OR10A3: variants seen among roughly 807,000 people sequenced by gnomAD.
The protein encoded by OR10A3 is olfactory receptor 10A3.
Under a neutral mutation model 1.5 loss-of-function variants are expected in OR10A3, and 1 was observed. The ratio of observed to expected loss-of-function variants is 0.66; its 90% confidence interval spans 0.23 to 3.11. The LOEUF (loss-of-function observed/expected upper bound fraction) is 3.11, where lower values mean the gene tolerates loss of function less well. Ranked by LOEUF, OR10A3 falls within the 30% of genes most tolerant of loss-of-function variation. The pLI, the probability that OR10A3 is intolerant of heterozygous loss-of-function variation, is 0.21. For missense variants in OR10A3, 398 were observed against 369.7 expected, an observed-to-expected ratio of 1.08 and a Z score of -0.63; for synonymous variants, 145 against 143.7, an observed-to-expected ratio of 1.01 and a Z score of -0.06.
At chr11:7,940,540 C>A (rs1408986946) in intron 1 of OR10A3, among the ~76,000 whole-genome samples, 1 of 152,042 alleles carries the variant, frequency 6.6e-6, no homozygotes, top group Non-Finnish European at 1.5e-5. Context: ...CCCGTTCCTC[C>A]AATCTGTACC....
rs184880947 is a variant in OR10A3 at position 7,939,375 on chromosome 11, A to G, written c.146T>C (p.Ile49Thr). The stretch of plus-strand genomic sequence containing the variant: ...AACGTGGAGGCTCTGGTTTAAGGAG[A>G]TGATGACTGTAATGATGGCATTTCC... The part of the protein sequence containing the change: ...LMGNAIITVI[I>T]SLNQSLHVPM... The change falls in exon 2 of 2, where the codon ATC becomes ACC. Residue 49 changes from isoleucine (I) to threonine (T), a missense_variant. Transcript: ENST00000642047. The G allele has an allele frequency of 4.3e-6, 7 of 1,614,128 alleles. No individual in the cohort carries two copies. The highest frequency in any genetic ancestry group is 1.7e-5 in the Admixed American group (1 of 60,020).
Position 7,939,156 on chromosome 11 carries a change from C to G in OR10A3, c.365G>C (p.Arg122Pro), listed in dbSNP as rs375829095. The G allele has an allele frequency of 1.2e-6, 2 of 1,614,024 alleles. No homozygotes were observed. Among genetic ancestry groups the G allele is most frequent in the Non-Finnish European group, 1.7e-6 (2 of 1,180,030 alleles). The stretch of plus-strand genomic sequence containing the variant: ...CAGAGGATGGCAAATTGCAGCAAAT[C>G]GGTCATAAGCCATCGCTCCCAGGAG... Reference protein sequence around the residue: ...CFLLGAMAYDRFAAICHPLNY... With the variant: ...CFLLGAMAYDPFAAICHPLNY... The change falls in exon 2 of 2, where the codon CGA becomes CCA. Residue 122 changes from arginine to proline, a missense_variant. Transcript: ENST00000642047.
chr11:7,940,941 A>T (rs970388827), intron 1 of OR10A3, among the ~76,000 whole-genome samples: 1 of 152,158 alleles, frequency 6.6e-6, no homozygotes, highest in African/African-American at 2.4e-5. Flanking sequence ...CAGCAAGCTG[A>T]AGACATCTTG....
Position 7,938,692 on chromosome 11 carries a change from C to G in OR10A3, c.829G>C (p.Ala277Pro), listed in dbSNP as rs567629701. 1.9e-6 allele frequency: 3 copies of G among 1,614,140 alleles called. No homozygotes were observed. The East Asian group carries it at 6.7e-5, about 36-fold the overall frequency. ...SPETKKLISL[A>P]YTLLTPLLNP... ...AGCAGAGGGGTAAGCAACGTGTAAG[C>G]CAATGAGATCAGTTTCTTGGTTTCG... is the stretch of plus-strand genomic sequence containing the variant. Residue 277 changes from alanine (A) to proline (P), a missense_variant, in exon 2 of 2, where the codon GCT becomes CCT. Physicochemically the swap from Ala to Pro is conservative, Grantham distance 27. Coordinates refer to ENST00000642047, the MANE Select transcript of OR10A3 (RefSeq NM_001003745.2).
At chr11:7,940,219 A>G (rs1941424411) in intron 1 of OR10A3, among the ~76,000 whole-genome samples, 1 of 152,156 alleles carries the variant, frequency 6.6e-6, no homozygotes, top group Middle Eastern at 3.2e-3. Flanking sequence ...TAGGCAGCAC[A>G]CATGCTGCCT....
chr11:7,939,026 A>G lies in OR10A3; in HGVS notation c.495T>C (p.Ser165=). 6.2e-7 allele frequency: 1 copy of G among 1,614,160 alleles called. No individual in the cohort carries two copies. The highest frequency in any genetic ancestry group is 8.5e-7 in the Non-Finnish European group (1 of 1,180,002). ...VATVQTTWVF[S]FPFCGPNEIN... ...TTTCATTGGGGCCACAAAATGGAAA[A>G]CTAAATACCCAAGTGGTCTGCACAG... The change falls in exon 2 of 2, where the codon AGT becomes AGC. Residue 165 remains serine (S), a synonymous_variant. Transcript: ENST00000642047.
At position 7,941,593 on chromosome 11, in the gene OR10A3, A is replaced by G. The variant is rs1941443902; in HGVS notation, c.-185T>C. The G allele has an allele frequency of 6.6e-6, 1 of 152,216 alleles. No individual in the cohort carries two copies. The highest frequency in any genetic ancestry group is 1.5e-5 in the Non-Finnish European group (1 of 68,026). 9.4% of individuals were successfully genotyped at this position (152,216 alleles called of 1,614,324 possible). A position where few individuals can be genotyped will look rare whatever the true frequency, so the allele number is the denominator to read the frequency against. Reference sequence around the variant, plus strand: ...CAGCAATTGACTTTCTTACCTGAGCATTGAGTTATCACTTGATAAGTATCT... The same window carrying G: ...CAGCAATTGACTTTCTTACCTGAGCGTTGAGTTATCACTTGATAAGTATCT... On this transcript the variant is annotated 5_prime_UTR_variant, in exon 1 of 2. An upstream start codon of the reference 5' UTR is lost. Coordinates refer to ENST00000642047, the MANE Select transcript of OR10A3 (RefSeq NM_001003745.2).
Position 7,939,248 on chromosome 11 carries a change from CAT to C in OR10A3, c.271_272del (p.Met91AspfsTer20). 4 of 1,614,214 alleles carry C rather than the reference CAT, an allele frequency of 2.5e-6. No individual in the cohort carries two copies. The highest frequency in any genetic ancestry group is 1.1e-5 in the South Asian group (1 of 91,088). On this transcript the variant is annotated frameshift_variant, in exon 2 of 2. Coordinates refer to ENST00000642047, the MANE Select transcript of OR10A3 (RefSeq NM_001003745.2). LOFTEE classifies it low-confidence loss of function (END_TRUNC). ...MLVVLSTEKTMISFVGCFAQM... is the reference protein window; with the variant it reads ...MLVVLSTEKTXISFVGCFAQM... ...GTGCAAAACAGCCCACAAAAGAAAT[CAT>C]AGTTTTCTCAGTAGAGAGCACCACC...
chr11:7,938,558 C>T lies in OR10A3; in HGVS notation c.*18G>A. On this transcript the variant is annotated 3_prime_UTR_variant, in exon 2 of 2. Transcript: ENST00000642047. ...TCACTCAGGCAGTGGCCAAATCTTA[C>T]TCAGCTTCTCAACACAATCAGAATG... 1.3e-6 allele frequency: 2 copies of T among 1,570,906 alleles called. No homozygotes were observed. Among genetic ancestry groups the T allele is most frequent in the Non-Finnish European group, 1.7e-6 (2 of 1,157,204 alleles).
intron 1 of OR10A3, among the ~76,000 whole-genome samples, chr11:7,940,778 A>T (rs1349824539): frequency 1.3e-5 from 2 of 152,168 alleles, no homozygotes; most frequent in Admixed American, 1.3e-4. Flanking sequence ...AGCAGAGGAG[A>T]AAAAGCATAA....
In OR10A3 at chr11:7,939,319, C is replaced by T; in HGVS notation, c.202G>A (p.Val68Met). The T allele has an allele frequency of 6.2e-7, 1 of 1,614,052 alleles. No homozygotes were observed. The highest frequency in any genetic ancestry group is 8.5e-7 in the Non-Finnish European group (1 of 1,179,968). The change falls in exon 2 of 2, where the codon GTG becomes ATG. Residue 68 changes from valine to methionine, a missense_variant. Coordinates refer to ENST00000642047, the MANE Select transcript of OR10A3 (RefSeq NM_001003745.2). ...ACTGCACTGAAACTCACCTCCACCA[C>T]AGATAGGTTCAGGAGGAACAGGTAC... Reference protein sequence around the residue: ...PMYLFLLNLSVVEVSFSAVIT... With the variant: ...PMYLFLLNLSMVEVSFSAVIT...
chr11:7,941,094 A>G (rs1302133926), intron 1 of OR10A3, among the ~76,000 whole-genome samples: 2 of 151,770 alleles, frequency 1.3e-5, no homozygotes, highest in Admixed American at 6.5e-5. Flanking sequence ...TAGACTTGGC[A>G]GGAAAAAAAA....
rs1157913744 is a variant in OR10A3 at position 7,937,936 on chromosome 11, C to G, written c.*640G>C. Reference sequence around the variant, plus strand: ...TCCTATCAGCCGCACTGTAGCAAATCTATCACACAGGTATAATGACATCAG... The same window carrying G: ...TCCTATCAGCCGCACTGTAGCAAATGTATCACACAGGTATAATGACATCAG... On this transcript the variant is annotated 3_prime_UTR_variant, in exon 2 of 2. Coordinates refer to ENST00000642047, the MANE Select transcript of OR10A3 (RefSeq NM_001003745.2). The G allele has an allele frequency of 6.6e-6, 1 of 152,236 alleles. No individual in the cohort carries two copies. Among genetic ancestry groups the G allele is most frequent in the Non-Finnish European group, 1.5e-5 (1 of 68,066 alleles). 9.4% of individuals were successfully genotyped at this position (152,236 alleles called of 1,614,324 possible).
chr11:7,938,708 C>G lies in OR10A3; in HGVS notation c.813G>C (p.Lys271Asn), dbSNP rs759633029. ...ACGTGTAAGCCAATGAGATCAGTTTCTTGGTTTCGGGTGAGTAGCCAGATT... is the reference window on the plus strand; with the variant it reads ...ACGTGTAAGCCAATGAGATCAGTTTGTTGGTTTCGGGTGAGTAGCCAGATT... ...QPKSGYSPET[K>N]KLISLAYTLL... is the part of the protein sequence containing the mutation. Residue 271 changes from lysine (K) to asparagine (N), a missense_variant, in exon 2 of 2, where the codon AAG becomes AAC. By Grantham distance (94) the Lys-to-Asn change is moderately conservative. Transcript: ENST00000642047. The G allele has an allele frequency of 8.0e-5, 129 of 1,614,032 alleles. No individual in the cohort carries two copies. Among genetic ancestry groups the G allele is most frequent in the Non-Finnish European group, 1.1e-4 (128 of 1,180,056 alleles).
In OR10A3 at chr11:7,938,700, A is replaced by G. The variant is rs757101961; in HGVS notation, c.821T>C (p.Ile274Thr). ...GGTAAGCAACGTGTAAGCCAATGAG[A>G]TCAGTTTCTTGGTTTCGGGTGAGTA... ...SGYSPETKKL[I>T]SLAYTLLTPL... The change falls in exon 2 of 2, where the codon ATC (isoleucine) becomes ACC (threonine). Residue 274 changes from isoleucine to threonine, a missense_variant. By Grantham distance (89) the Ile-to-Thr change is moderately conservative (BLOSUM62 -1). Transcript: ENST00000642047. 1 of 1,614,180 alleles carries G rather than the reference A, an allele frequency of 6.2e-7. No homozygotes were observed. Among genetic ancestry groups the G allele is most frequent in the Non-Finnish European group, 8.5e-7 (1 of 1,180,030 alleles).
At chr11:7,941,186 A>G (rs1267962802) in intron 1 of OR10A3, among the ~76,000 whole-genome samples, 8 of 152,302 alleles carry the variant, frequency 5.3e-5, no homozygotes, top group African/African-American at 1.9e-4. Context: ...AAAATGAGAA[A>G]ATTTAGAGTA....
chr11:7,938,543 A>T lies in OR10A3; in HGVS notation c.*33T>A. On this transcript the variant is annotated 3_prime_UTR_variant, in exon 2 of 2. Transcript: ENST00000642047. Reference sequence around the variant, plus strand: ...AAATTTAAATAGAGTTCACTCAGGCAGTGGCCAAATCTTACTCAGCTTCTC... The same window carrying T: ...AAATTTAAATAGAGTTCACTCAGGCTGTGGCCAAATCTTACTCAGCTTCTC... The T allele has an allele frequency of 6.7e-7, 1 of 1,501,376 alleles. No individual in the cohort carries two copies. Among genetic ancestry groups the T allele is most frequent in the Non-Finnish European group, 9.1e-7 (1 of 1,102,290 alleles). The allele number at this position is 1,501,376 out of a possible 1,614,324, so 93.0% of individuals were successfully genotyped here.
rs148342026 is a variant in OR10A3 at position 7,937,380 on chromosome 11, G to A, written c.*1196C>T. 8 of 152,276 alleles carry A rather than the reference G, an allele frequency of 5.3e-5. No homozygotes were observed. Among genetic ancestry groups the A allele is most frequent in the African/African-American group, 1.9e-4 (8 of 41,552 alleles). The allele number at this position is 152,276 out of a possible 1,614,324, so 9.4% of individuals were successfully genotyped here. A position where few individuals can be genotyped will look rare whatever the true frequency, so the allele number is the denominator to read the frequency against. On this transcript the variant is annotated 3_prime_UTR_variant, in exon 2 of 2. Transcript: ENST00000642047. ...AAGATAGGTGACCGGATATCTTGTA[G>A]CTATCTATTTAGGAACAAAAGGAAA... is the stretch of plus-strand genomic sequence containing the variant.
chr11:7,938,386 C>A lies in OR10A3; in HGVS notation c.*190G>T. 1.9e-6 allele frequency: 1 copy of A among 535,934 alleles called. No individual in the cohort carries two copies. Among genetic ancestry groups the A allele is most frequent in the Non-Finnish European group, 3.3e-6 (1 of 306,598 alleles). The allele number at this position is 535,934 out of a possible 1,614,324, so 33.2% of individuals were successfully genotyped here. A position where few individuals can be genotyped will look rare whatever the true frequency, so the allele number is the denominator to read the frequency against. ...GAAATGGATGAATAAACTGTTGTGTCATGTTATGAGAACATATGTATCTAC... is the reference window on the plus strand; with the variant it reads ...GAAATGGATGAATAAACTGTTGTGTAATGTTATGAGAACATATGTATCTAC... On this transcript the variant is annotated 3_prime_UTR_variant, in exon 2 of 2. Transcript: ENST00000642047.
Sources: gnomAD v4.1 joint callset for allele counts (sites outside exome capture counted in the v4.1 genomes callset) on GRCh38, gnomAD v4.1.1 for gene constraint, MANE v1.5 for transcripts, NCBI Gene and HGNC (gene_info 2026-07-23, HGNC 2026-07-21) for gene names.